Variants in PDGFD observed in about 807,000 individuals in gnomAD.
The protein encoded by PDGFD is platelet derived growth factor D.
A neutral mutation model predicts 44.7 loss-of-function variants in PDGFD; 30 were observed. The observed-to-expected ratio is 0.67, with a 90% CI of 0.50 to 0.91. The LOEUF (loss-of-function observed/expected upper bound fraction) is 0.91, where lower values mean the gene tolerates loss of function less well. Ranked by LOEUF, PDGFD falls within the 40% of genes least tolerant of loss-of-function variation. PDGFD has a pLI of 0.00. For missense variants in PDGFD, 445 were observed against 457.8 expected, an observed-to-expected ratio of 0.97 and a Z score of 0.25; for synonymous variants, 173 against 168.4, an observed-to-expected ratio of 1.03 and a Z score of -0.21.
chr11:103,972,436 T>A (rs1192365116), intron 3 of PDGFD, among the ~76,000 whole-genome samples: 1 of 152,168 alleles, frequency 6.6e-6, no homozygotes, highest in Admixed American at 6.5e-5. Flanking sequence ...ATTCTCCTTT[T>A]TATTCTTCCT....
chr11:104,044,781 G>A (rs1452014524), intron 1 of PDGFD, among the ~76,000 whole-genome samples: 1 of 152,184 alleles, frequency 6.6e-6, no homozygotes, highest in East Asian at 1.9e-4. Context: ...GCTCACCCCT[G>A]TAATCCCAGC....
At chr11:103,936,200 C>A (rs551786184) in intron 5 of PDGFD, among the ~76,000 whole-genome samples, 346 of 152,190 alleles carry the variant, frequency 2.3e-3, no homozygotes, top group African/African-American at 7.1e-3. Flanking sequence ...GTCACCAGTA[C>A]CTCCTTAATT....
intron 6 of PDGFD, among the ~76,000 whole-genome samples, chr11:103,919,857 A>AG (rs912331891): frequency 1.9e-4 from 18 of 92,718 alleles, no homozygotes; most frequent in Middle Eastern, 4.3e-3. Flanking sequence ...CAGTTTCTCA[A>AG]GGAAAAAAAA....
intron 3 of PDGFD, among the ~76,000 whole-genome samples, chr11:103,955,336 C>T (rs1858826911): frequency 6.6e-6 from 1 of 152,122 alleles, no homozygotes; most frequent in Admixed American, 6.5e-5. Context: ...AGGCCTGTGT[C>T]CTGGGATTAC....
chr11:104,117,470 T>C (rs1454981421), intron 1 of PDGFD, among the ~76,000 whole-genome samples: 1 of 151,980 alleles, frequency 6.6e-6, no homozygotes, highest in African/African-American at 2.4e-5. Flanking sequence ...TATGATTGCT[T>C]ATGTAGAAAA....
chr11:104,000,315 A>C, intron 1 of PDGFD, 60 bp from the exon 2 acceptor site: 3 of 1,393,158 alleles, frequency 2.2e-6, no homozygotes, highest in Non-Finnish European at 3.0e-6. Flanking sequence ...GAAAGTCAAA[A>C]AAAGAGAACA....
intron 1 of PDGFD, among the ~76,000 whole-genome samples, chr11:104,118,044 A>G (rs930455692): frequency 6.6e-6 from 1 of 151,970 alleles, no homozygotes; most frequent in African/African-American, 2.4e-5. Context: ...TACTATAACC[A>G]TTTATTAATT....
chr11:103,940,243 T>C (rs1442351959), intron 5 of PDGFD, among the ~76,000 whole-genome samples: 1 of 152,128 alleles, frequency 6.6e-6, no homozygotes, highest in South Asian at 2.1e-4. Flanking sequence ...TGATTCATTA[T>C]AAGTTCTTTA....
At chr11:104,020,704 T>C (rs1296816106) in intron 1 of PDGFD, among the ~76,000 whole-genome samples, 1 of 152,138 alleles carries the variant, frequency 6.6e-6, no homozygotes, top group African/African-American at 2.4e-5. Context: ...ATTGCCAAAT[T>C]TCATATCTAT....
chr11:103,914,903 C>A (rs1431572337), intron 6 of PDGFD, among the ~76,000 whole-genome samples: 2 of 152,194 alleles, frequency 1.3e-5, no homozygotes, highest in Non-Finnish European at 2.9e-5. Flanking sequence ...AACAGCCCTT[C>A]ATGCTAAAAA....
intron 1 of PDGFD, among the ~76,000 whole-genome samples, chr11:104,022,219 T>G (rs377076438): frequency 1.3e-5 from 2 of 152,166 alleles, no homozygotes; most frequent in African/African-American, 4.8e-5. Flanking sequence ...CTTAAAATAG[T>G]TATGATAAAG....
chr11:104,115,768 T>G (rs1861627301), intron 1 of PDGFD, among the ~76,000 whole-genome samples: 1 of 152,122 alleles, frequency 6.6e-6, no homozygotes. Context: ...GGTTTTTATT[T>G]GCATTTCCCT....
chr11:104,021,757 T>C (rs1201218859), intron 1 of PDGFD, among the ~76,000 whole-genome samples: 1 of 152,178 alleles, frequency 6.6e-6, no homozygotes, highest in East Asian at 1.9e-4. Flanking sequence ...ATGGTGGTTA[T>C]ACAGCTTATT....
intron 1 of PDGFD, among the ~76,000 whole-genome samples, chr11:104,116,681 T>C (rs911114713): frequency 2.0e-5 from 3 of 151,812 alleles, no homozygotes; most frequent in African/African-American, 7.3e-5. Context: ...AAAAGATCAC[T>C]GATATAGTTT....
In PDGFD at chr11:103,953,002, G is replaced by C. The variant is rs962587940; in HGVS notation, c.511-5278C>G. On this transcript the variant is annotated intron_variant, in intron 3 of 6. Coordinates refer to ENST00000393158, the MANE Select transcript of PDGFD (RefSeq NM_025208.5). ...GTGTTACAGACTCGAAAGTTAGGGA[G>C]ATGTGTACAAATAAAATCTTAAAGT... 1.3e-5 allele frequency among the ~76,000 whole-genome samples: 2 copies of C among 152,130 alleles called. 1 individual carries two copies. The highest frequency in any genetic ancestry group is 4.1e-4 in the South Asian group (2 of 4,832).
intron 6 of PDGFD, among the ~76,000 whole-genome samples, chr11:103,911,136 A>T (rs2134297906): frequency 6.6e-6 from 1 of 152,248 alleles, no homozygotes; most frequent in African/African-American, 2.4e-5. Flanking sequence ...AACCTGGGGG[A>T]AGGGGTGGCT....
intron 1 of PDGFD, among the ~76,000 whole-genome samples, chr11:104,028,891 T>C (rs1860085841): frequency 6.6e-6 from 1 of 152,138 alleles, no homozygotes; most frequent in Non-Finnish European, 1.5e-5. Context: ...TCAATGATAC[T>C]ATCTTCTTTC....
intron 1 of PDGFD, among the ~76,000 whole-genome samples, chr11:104,072,968 T>C (rs1860902940): frequency 6.6e-6 from 1 of 152,078 alleles, no homozygotes; most frequent in African/African-American, 2.4e-5. Context: ...ATTAATTCCT[T>C]ATCTTTTCTT....
In PDGFD at chr11:104,068,887, A is replaced by G. The variant is rs537998255; in HGVS notation, c.125-68632T>C. On this transcript the variant is annotated intron_variant, in intron 1 of 6. Transcript: ENST00000393158. The stretch of plus-strand genomic sequence containing the variant: ...AATTATTTCAGTGTAAGTTGCAGAC[A>G]TGATATCCCCTTACCCCTAAATATT... Among the ~76,000 whole-genome samples the G allele has an allele frequency of 1.5e-4, 23 of 152,278 alleles. 1 individual carries two copies. In the East Asian group the frequency reaches 3.9e-3, roughly 26 times the overall value.
Sources: allele counts gnomAD v4.1 joint callset (sites outside exome capture counted in the v4.1 genomes callset), GRCh38; gene constraint gnomAD v4.1.1; transcripts MANE v1.5; gene names NCBI Gene and HGNC (gene_info 2026-07-23, HGNC 2026-07-21).